AKAP13: variants seen among roughly 807,000 people sequenced by gnomAD.
The protein encoded by AKAP13 is A-kinase anchor protein 13.
AKAP13 carries 80 observed loss-of-function variants against 264.5 expected under a neutral mutation model. The ratio of observed to expected loss-of-function variants is 0.30; its 90% CI spans 0.25 to 0.36. The LOEUF is 0.36. AKAP13 is among the 10% of genes least tolerant of loss of function. The pLI is 1.00. For missense variants in AKAP13, 3,712 were observed against 3,435.2 expected (o/e 1.08, Z -2.01); for synonymous variants, 1,380 against 1,250.2 (o/e 1.10, Z -2.19).
At chr15:85,396,972 C>A (rs1042597930) in intron 1 of AKAP13, among the ~76,000 whole-genome samples, 2 of 142,728 alleles carry the variant, frequency 1.4e-5, no homozygotes, top group African/African-American at 5.2e-5. Context: ...ATGATTTATA[C>A]ATAATTATTT....
chr15:85,415,141 AT>A (rs753666895), intron 1 of AKAP13: 86 of 781,176 alleles, frequency 1.1e-4, no homozygotes, highest in South Asian at 4.5e-4. Flanking sequence ...TCAGAGGGAA[AT>A]ACCTTTAAAA....
intron 14 of AKAP13, among the ~76,000 whole-genome samples, chr15:85,672,052 A>G (rs1350908968): frequency 6.6e-6 from 1 of 152,230 alleles, no homozygotes; most frequent in Non-Finnish European, 1.5e-5. Flanking sequence ...GCGCTATTCT[A>G]GAGGTTCTGA....
intron 2 of AKAP13, among the ~76,000 whole-genome samples, chr15:85,521,199 G>C (rs943778537): frequency 4.6e-5 from 7 of 152,116 alleles, no homozygotes; most frequent in Non-Finnish European, 7.3e-5. Flanking sequence ...TAAAATGTAA[G>C]TTTAAAGAAG....
intron 3 of AKAP13, among the ~76,000 whole-genome samples, chr15:85,522,589 G>T (rs546848294): frequency 2.0e-5 from 3 of 152,106 alleles, no homozygotes; most frequent in Non-Finnish European, 4.4e-5. Flanking sequence ...GTTTGTACCA[G>T]ATCCTTGTAC....
chr15:85,539,264 CT>C (rs1182518405), intron 4 of AKAP13, among the ~76,000 whole-genome samples: 1 of 152,122 alleles, frequency 6.6e-6, no homozygotes, highest in Non-Finnish European at 1.5e-5. Context: ...AGTGGTAGGA[CT>C]TGAGCTCCAA....
intron 1 of AKAP13, among the ~76,000 whole-genome samples, chr15:85,468,040 A>T (rs2074814927): frequency 6.6e-6 from 1 of 152,214 alleles, no homozygotes; most frequent in Non-Finnish European, 1.5e-5. Flanking sequence ...AAAACTTCAA[A>T]ATGTTGTGTG....
At chr15:85,720,624 C>T (rs1028387293) in intron 23 of AKAP13, among the ~76,000 whole-genome samples, 2 of 152,168 alleles carry the variant, frequency 1.3e-5, no homozygotes, top group African/African-American at 2.4e-5. Context: ...CCCAAAGATG[C>T]AGATTCCCCA....
chr15:85,635,075 T>C (rs1323078133), intron 8 of AKAP13: 2 of 398,146 alleles, frequency 5.0e-6, no homozygotes, highest in African/African-American at 2.1e-5. Flanking sequence ...TTGATTCTTC[T>C]TCGGTAAATG....
chr15:85,444,592 G>GT (rs2150964649), intron 1 of AKAP13, among the ~76,000 whole-genome samples: 1 of 152,262 alleles, frequency 6.6e-6, no homozygotes, highest in South Asian at 2.1e-4. Context: ...AAGAAAATCT[G>GT]TAAGTGAAAT....
At chr15:85,719,356 C>G (rs375723902) in intron 23 of AKAP13, 30 bp downstream of exon 23, 5 of 1,609,002 alleles carry the variant, frequency 3.1e-6, no homozygotes, top group Admixed American at 3.4e-5. Context: ...CAGGTTCTTA[C>G]ATACACTGGG....
Position 85,562,691 on chromosome 15 carries a change from CTTTTTT to C in AKAP13, c.663-12424_663-12419del, listed in dbSNP as rs10598092. 1.8e-4 allele frequency among the ~76,000 whole-genome samples: 18 copies of C among 100,516 alleles called. 1 individual carries two copies. Among genetic ancestry groups the C allele is most frequent in the South Asian group, 9.8e-4 (3 of 3,070 alleles). The allele number at this position is 100,516 out of a possible 152,430, so 65.9% of individuals were successfully genotyped here. A position where few individuals can be genotyped will look rare whatever the true frequency, so the allele number is the denominator to read the frequency against. Reference sequence around the variant, plus strand: ...CCTTTTCTTTCTTTTCTTTTCTTTTCTTTTTTTTTTTTTTTTTTTTTGAGACTGAAT... The same window carrying C: ...CCTTTTCTTTCTTTTCTTTTCTTTTCTTTTTTTTTTTTTTTGAGACTGAAT... On this transcript the variant is annotated intron_variant, in intron 5 of 36. Coordinates refer to ENST00000394518, the MANE Select transcript of AKAP13 (RefSeq NM_007200.5).
At position 85,723,298 on chromosome 15, in the gene AKAP13, G is replaced by A; in HGVS notation, c.6723G>A (p.Lys2241=). 1 of 1,614,108 alleles carries A rather than the reference G, an allele frequency of 6.2e-7. No individual in the cohort carries two copies. Among genetic ancestry groups the A allele is most frequent in the South Asian group, 1.1e-5 (1 of 91,074 alleles). The change falls in exon 26 of 37, where the codon AAG becomes AAA. Residue 2241 remains lysine, a synonymous_variant. Transcript: ENST00000394518. ...KLVRDGSVFL[K]NAAGRLKEVQ... is the part of the protein sequence containing the mutation. The stretch of plus-strand genomic sequence containing the variant: ...TACGTGATGGGAGTGTGTTTCTGAA[G>A]AATGCAGCAGGAAGGTTGAAAGGTA...
At chr15:85,392,399 C>A (rs765199105) in intron 1 of AKAP13, among the ~76,000 whole-genome samples, 1 of 151,394 alleles carries the variant, frequency 6.6e-6, no homozygotes, top group Non-Finnish European at 1.5e-5. Flanking sequence ...GGACTACAGG[C>A]GTGCACCACC....
chr15:85,545,225 C>T (rs1233599461), intron 5 of AKAP13, among the ~76,000 whole-genome samples: 1 of 152,208 alleles, frequency 6.6e-6, no homozygotes, highest in Non-Finnish European at 1.5e-5. Flanking sequence ...TACGGTTAGC[C>T]TCATGGCCTC....
At position 85,580,102 on chromosome 15, in the gene AKAP13, G is replaced by C. The variant is rs1307536907; in HGVS notation, c.2034G>C (p.Leu678Phe). ...QQNTVTSSGD[L>F]VAKLCDNIVS... ...ACACAGTGACTTCTAGTGGCGATTT[G>C]GTTGCAAAACTGTGTGATAACATAG... The change falls in exon 7 of 37, where the codon TTG becomes TTC. Residue 678 changes from leucine (L) to phenylalanine (F), a missense_variant. By Grantham distance (22) the Leu-to-Phe change is conservative (BLOSUM62 0). Coordinates refer to ENST00000394518, the MANE Select transcript of AKAP13 (RefSeq NM_007200.5). 2 of 1,614,132 alleles carry C rather than the reference G, an allele frequency of 1.2e-6. No individual in the cohort carries two copies. The highest frequency in any genetic ancestry group is 1.7e-6 in the Non-Finnish European group (2 of 1,180,020).
At chr15:85,481,660 T>A (rs2075355878) in intron 1 of AKAP13, among the ~76,000 whole-genome samples, 1 of 152,250 alleles carries the variant, frequency 6.6e-6, no homozygotes, top group Non-Finnish European at 1.5e-5. Flanking sequence ...TAGCTGGCTT[T>A]ACTACTGAGT....
At chr15:85,445,738 A>G (rs898922914) in intron 1 of AKAP13, among the ~76,000 whole-genome samples, 6 of 152,198 alleles carry the variant, frequency 3.9e-5, no homozygotes, top group Non-Finnish European at 7.4e-5. Context: ...TTAAGGCACA[A>G]ACAGAGAGAG....
chr15:85,645,193 T>G (rs1048614221), intron 9 of AKAP13, among the ~76,000 whole-genome samples: 2 of 152,212 alleles, frequency 1.3e-5, no homozygotes, highest in African/African-American at 4.8e-5. Flanking sequence ...CTACTAAGTT[T>G]TTAGGCTTCC....
rs1299077597 is a variant in AKAP13 at position 85,580,996 on chromosome 15, A to G, written c.2928A>G (p.Lys976=). ...TCTCAGCTGACTGTGCCAAGGACAA[A>G]GCACTTCAGCTAAGTAATTCACCGG... The part of the protein sequence containing the change: ...KSISADCAKD[K]ALQLSNSPGA... Residue 976 remains lysine, a synonymous_variant, in exon 7 of 37, where the codon AAA becomes AAG. Coordinates refer to ENST00000394518, the MANE Select transcript of AKAP13 (RefSeq NM_007200.5). The G allele has an allele frequency of 6.2e-7, 1 of 1,613,832 alleles. No homozygotes were observed. Among genetic ancestry groups the G allele is most frequent in the East Asian group, 2.2e-5 (1 of 44,896 alleles).
Sources: gnomAD v4.1 joint callset for allele counts (sites outside exome capture counted in the v4.1 genomes callset) on GRCh38, gnomAD v4.1.1 for gene constraint, MANE v1.5 for transcripts, NCBI Gene and HGNC (gene_info 2026-07-23, HGNC 2026-07-21) for gene names.